Variants in SP1 observed in about 807,000 individuals in gnomAD.
SP1 encodes the protein Sp1 transcription factor, also known as transcription factor Sp1.
Under a neutral mutation model 66.3 loss-of-function variants are expected in SP1, and 6 were observed. The observed-to-expected ratio is 0.09, with a 90% confidence interval of 0.05 to 0.18. The LOEUF (loss-of-function observed/expected upper bound fraction) is 0.18, where lower values mean the gene tolerates loss of function less well. SP1 is among the 10% of genes least tolerant of loss of function. SP1 has a pLI of 1.00. For missense variants in SP1, 848 were observed against 964.5 expected (o/e 0.88, Z 1.60); for synonymous variants, 417 against 360.8 (o/e 1.16, Z -1.77).
At chr12:53,391,404 A>G (rs575201408) in intron 3 of SP1, among the ~76,000 whole-genome samples, 1 of 129,644 alleles carries the variant, frequency 7.7e-6, no homozygotes, top group African/African-American at 3.0e-5. Flanking sequence ...GCTGGAGTGC[A>G]GTCTCCACCT....
intron 3 of SP1, among the ~76,000 whole-genome samples, chr12:53,399,632 T>C (rs1469914658): frequency 7.1e-6 from 1 of 141,382 alleles, no homozygotes; most frequent in African/African-American, 2.6e-5. Context: ...CGCCCTGCCT[T>C]ATTTGTTTTA....
At chr12:53,409,626 T>C (rs1938833291) in intron 5 of SP1, 65 bp downstream of exon 5, 2 of 1,288,730 alleles carry the variant, frequency 1.6e-6, no homozygotes, top group South Asian at 1.2e-5. Flanking sequence ...AAAATATACC[T>C]ACAAAATAAC....
rs1371941024 is a variant in SP1 at position 53,414,497 on chromosome 12, G to A, written c.*3257G>A. The A allele has an allele frequency of 1.3e-5, 2 of 152,596 alleles. No individual in the cohort carries two copies. Among genetic ancestry groups the A allele is most frequent in the African/African-American group, 4.8e-5 (2 of 41,424 alleles). The allele number at this position is 152,596 out of a possible 1,614,324, so 9.5% of individuals were successfully genotyped here. A position where few individuals can be genotyped will look rare whatever the true frequency, so the allele number is the denominator to read the frequency against. ...GATCCCAGAAAGTATATACTGAAGT[G>A]TGGGATAAAGATTATGATTAGGGGA... On this transcript the variant is annotated 3_prime_UTR_variant, in exon 6 of 6. Transcript: ENST00000327443.
intron 3 of SP1, among the ~76,000 whole-genome samples, chr12:53,399,444 C>T (rs1392077283): frequency 1.3e-5 from 2 of 151,944 alleles, no homozygotes; most frequent in African/African-American, 4.8e-5. Context: ...CGCCATTCTT[C>T]TGTCAGCCTT....
At chr12:53,390,725 A>G (rs1291345119) in intron 3 of SP1, among the ~76,000 whole-genome samples, 1 of 152,034 alleles carries the variant, frequency 6.6e-6, no homozygotes, top group Admixed American at 6.6e-5. Flanking sequence ...AATCAGTGGG[A>G]TATGAGAAGA....
chr12:53,402,004 A>C (rs1938619022), intron 3 of SP1, among the ~76,000 whole-genome samples: 1 of 152,186 alleles, frequency 6.6e-6, no homozygotes, highest in South Asian at 2.1e-4. Context: ...AATTGGTCGC[A>C]GTTTTACTGA....
At chr12:53,389,418 A>G (rs925761994) in intron 3 of SP1, among the ~76,000 whole-genome samples, 5 of 151,908 alleles carry the variant, frequency 3.3e-5, no homozygotes, top group Admixed American at 2.6e-4. Context: ...CATGTTGGCC[A>G]GGCTGGTCTT....
In SP1 at chr12:53,415,216, T is replaced by C. The variant is rs1938971732; in HGVS notation, c.*3976T>C. On this transcript the variant is annotated 3_prime_UTR_variant, in exon 6 of 6. Coordinates refer to ENST00000327443, the MANE Select transcript of SP1 (RefSeq NM_138473.3). ...GTTTGGGAGACTGTGCTCTCTGTGGTGCCTCTCTTGGCTCTACTCCACAGA... is the reference window on the plus strand; with the variant it reads ...GTTTGGGAGACTGTGCTCTCTGTGGCGCCTCTCTTGGCTCTACTCCACAGA... 1 of 152,528 alleles carries C rather than the reference T, an allele frequency of 6.6e-6. No homozygotes were observed. The highest frequency in any genetic ancestry group is 1.9e-4 in the East Asian group (1 of 5,196). 9.4% of individuals were successfully genotyped at this position (152,528 alleles called of 1,614,324 possible).
At chr12:53,380,528 G>C (rs1418069353) in intron 1 of SP1, 5 of 576,662 alleles carry the variant, frequency 8.7e-6, no homozygotes, top group South Asian at 8.4e-5. Flanking sequence ...GCGTGGCCTC[G>C]CCCGCCCCCT....
chr12:53,407,935 G>A (rs1340664833), intron 4 of SP1, among the ~76,000 whole-genome samples: 1 of 145,384 alleles, frequency 6.9e-6, no homozygotes, highest in Non-Finnish European at 1.5e-5. Flanking sequence ...GGGGGCGCCC[G>A]GCCTTTTTTT....
At chr12:53,404,360 T>C (rs1171784653) in intron 3 of SP1, among the ~76,000 whole-genome samples, 1 of 151,664 alleles carries the variant, frequency 6.6e-6, no homozygotes, top group Non-Finnish European at 1.5e-5. Flanking sequence ...TGAAACCCCA[T>C]CTCTACTAAA....
chr12:53,407,402 A>C (rs925370262), intron 4 of SP1, among the ~76,000 whole-genome samples: 2 of 150,344 alleles, frequency 1.3e-5, no homozygotes, highest in Non-Finnish European at 3.0e-5. Flanking sequence ...TTCTTGGCTC[A>C]CTGCAACCTC....
chr12:53,382,942 C>A lies in SP1; in HGVS notation c.995C>A (p.Thr332Asn), dbSNP rs1014872752. ...GCCAATAGCTACTCAACTACTACTA[C>A]CACCAGCAACATGGGAATTATGAAC... ...TNANSYSTTT[T>N]TSNMGIMNFT... The change falls in exon 3 of 6, where the codon ACC (threonine) becomes AAC (asparagine). Residue 332 changes from threonine to asparagine, a missense_variant. Around this residue, in one of 7 missense-constraint regions of SP1, gnomAD observed 606 missense variants for 589.9 expected, o/e 1.03. Transcript: ENST00000327443. The A allele has an allele frequency of 6.2e-7, 1 of 1,614,168 alleles. No individual in the cohort carries two copies.
At chr12:53,385,904 C>T (rs1938216849) in intron 3 of SP1, among the ~76,000 whole-genome samples, 1 of 146,664 alleles carries the variant, frequency 6.8e-6, no homozygotes, top group Non-Finnish European at 1.5e-5. Context: ...CAGAGTGAGA[C>T]TCCGTCTCAA....
intron 3 of SP1, 42 bp from the exon 4 acceptor site, chr12:53,406,543 C>G (rs1267266954): frequency 1.9e-5 from 30 of 1,581,252 alleles, no homozygotes; most frequent in Non-Finnish European, 2.4e-5. Context: ...CAGTGATAAC[C>G]TGCCCATGTC....
chr12:53,382,599 C>A lies in SP1; in HGVS notation c.652C>A (p.Arg218=). The change falls in exon 3 of 6, where the codon CGA becomes AGA. Residue 218 remains arginine, a synonymous_variant. Transcript: ENST00000327443. ...TGCAAACCAACAGATTATCACAAATCGAGGAAGTGGAGGCAACATCATTGC... is the reference window on the plus strand; with the variant it reads ...TGCAAACCAACAGATTATCACAAATAGAGGAAGTGGAGGCAACATCATTGC... ...PGANQQIITN[R]GSGGNIIAAM... 1 of 1,614,134 alleles carries A rather than the reference C, an allele frequency of 6.2e-7. No individual in the cohort carries two copies. Among genetic ancestry groups the A allele is most frequent in the African/African-American group, 1.3e-5 (1 of 75,034 alleles).
intron 3 of SP1, among the ~76,000 whole-genome samples, chr12:53,404,991 AC>A (rs1280187831): frequency 1.3e-5 from 2 of 151,628 alleles, no homozygotes; most frequent in Non-Finnish European, 2.9e-5. Flanking sequence ...ACTCCACCAT[AC>A]CCAGCTGATT....
In SP1 at chr12:53,406,759, T is replaced by C. The variant is rs768201040; in HGVS notation, c.1844+6T>C. 6.2e-7 allele frequency: 1 copy of C among 1,609,812 alleles called. No homozygotes were observed. The highest frequency in any genetic ancestry group is 8.5e-7 in the Non-Finnish European group (1 of 1,177,734). ...TGTAAAGACAGTGAAGGAAGGTGAG[T>C]TGACCCAGCCAGTTTCTTACAAATA... On this transcript the variant is annotated splice_donor_region_variant and intron_variant, in intron 4 of 5. Coordinates refer to ENST00000327443, the MANE Select transcript of SP1 (RefSeq NM_138473.3).
intron 3 of SP1, among the ~76,000 whole-genome samples, chr12:53,405,324 C>G (rs1373022464): frequency 2.0e-5 from 3 of 152,142 alleles, no homozygotes; most frequent in African/African-American, 7.2e-5. Flanking sequence ...TATTTTCAAA[C>G]TGGCCTTCAA....
Sources: gnomAD v4.1 joint callset for allele counts (sites outside exome capture counted in the v4.1 genomes callset) on GRCh38, gnomAD v4.1.1 for gene constraint, gnomAD v4.1.1 regional missense constraint, MANE v1.5 for transcripts, NCBI Gene and HGNC (gene_info 2026-07-23, HGNC 2026-07-21) for gene names.